The following ZZEF1 variants were observed in gnomAD, a reference collection of about 807,000 sequenced individuals.
The protein encoded by ZZEF1 is zinc finger ZZ-type and EF-hand domain-containing protein 1.
In ZZEF1, 157 loss-of-function variants were observed where a neutral mutation model predicts 342.8. The ratio of observed to expected loss-of-function variants is 0.46; its 90% confidence interval spans 0.40 to 0.52. The LOEUF (loss-of-function observed/expected upper bound fraction) is 0.52, where lower values mean the gene tolerates loss of function less well. Ranked by LOEUF, ZZEF1 falls within the 20% of genes least tolerant of loss-of-function variation. The pLI, the probability that ZZEF1 is intolerant of heterozygous loss-of-function variation, is 0.00. For missense variants in ZZEF1, 3,480 were observed against 3,725.6 expected (o/e 0.93, Z 1.72); for synonymous variants, 1,505 against 1,429.1 (o/e 1.05, Z -1.20).
intron 2 of ZZEF1, among the ~76,000 whole-genome samples, chr17:4,123,121 T>C (rs1023331647): frequency 1.3e-4 from 20 of 150,760 alleles, no homozygotes; most frequent in African/African-American, 2.2e-4. Flanking sequence ...GGGGTTTCAC[T>C]GTGTTAGCCA....
intron 35 of ZZEF1, 126 bp from the exon 36 acceptor site, chr17:4,051,169 T>A: frequency 8.0e-7 from 1 of 1,248,206 alleles, no homozygotes; most frequent in Non-Finnish European, 1.1e-6. Context: ...AGGATGCGCT[T>A]ACTGAAAATG....
intron 30 of ZZEF1, among the ~76,000 whole-genome samples, chr17:4,060,000 T>G (rs2057250541): frequency 6.6e-6 from 1 of 152,270 alleles, no homozygotes; most frequent in African/African-American, 2.4e-5. Context: ...CTACTACTCC[T>G]GCCATGCTTT....
chr17:4,079,030 G>A (rs901425022), intron 18 of ZZEF1, among the ~76,000 whole-genome samples: 5 of 152,212 alleles, frequency 3.3e-5, no homozygotes, highest in Non-Finnish European at 7.3e-5. Context: ...CCACAGGTAA[G>A]TGAAAGAGAA....
At chr17:4,121,187 T>C (rs573632142) in intron 2 of ZZEF1, among the ~76,000 whole-genome samples, 2 of 152,186 alleles carry the variant, frequency 1.3e-5, no homozygotes, top group South Asian at 4.1e-4. Flanking sequence ...CTACGAATTA[T>C]CTGTTGGTGG....
chr17:4,028,497 C>T (rs767344603), intron 42 of ZZEF1, among the ~76,000 whole-genome samples: 2 of 147,466 alleles, frequency 1.4e-5, no homozygotes, highest in East Asian at 2.0e-4. Context: ...TGCAGTGAGC[C>T]GAGATCACAC....
rs1465057372 is a variant in ZZEF1 at position 4,142,733 on chromosome 17, T to C, written c.163A>G (p.Arg55Gly). 44 of 1,538,142 alleles carry C rather than the reference T, an allele frequency of 2.9e-5. No individual in the cohort carries two copies. The highest frequency in any genetic ancestry group is 3.8e-5 in the Non-Finnish European group (44 of 1,147,760). The change falls in exon 1 of 55, where the codon AGG becomes GGG. Residue 55 changes from arginine (R) to glycine (G), a missense_variant. Arg to Gly is a moderately radical substitution (Grantham distance 125). Around this residue, in one of 5 missense-constraint regions of ZZEF1, gnomAD observed 416 missense variants for 374.2 expected, o/e 1.11. Coordinates refer to ENST00000381638, the MANE Select transcript of ZZEF1 (RefSeq NM_015113.4). ...AACGCTGCAGCAGCCTCTCGCAGCC[T>C]GGCCGGCTCCAGCAGCGCCGCGGCG... ...PPAAALLEPA[R>G]LREAAAALLP...
intron 26 of ZZEF1, among the ~76,000 whole-genome samples, chr17:4,069,393 A>G (rs2057465736): frequency 6.6e-6 from 1 of 152,154 alleles, no homozygotes; most frequent in Non-Finnish European, 1.5e-5. Flanking sequence ...GTCTCAACAC[A>G]GTTTTGTTTA....
rs769754955 is a variant in ZZEF1, at chr17:4,104,782, G to A, written c.1424C>T (p.Thr475Ile). 2 of 1,614,110 alleles carry A rather than the reference G, an allele frequency of 1.2e-6. No homozygotes were observed. Among genetic ancestry groups the A allele is most frequent in the East Asian group, 2.2e-5 (1 of 44,882 alleles). The change falls in exon 8 of 55, where the codon ACT becomes ATT. Residue 475 changes from threonine to isoleucine, a missense_variant. Thr to Ile is a moderately conservative substitution (Grantham distance 89, BLOSUM62 -1). Around this residue, in one of 5 missense-constraint regions of ZZEF1, gnomAD observed 1,528 missense variants for 1,624.1 expected, o/e 0.94. Transcript: ENST00000381638. ...SCCSTPEVEL[T>I]LLAFALARGS... The stretch of plus-strand genomic sequence containing the variant: ...TCTTGCGAGAGCAAAAGCCAGAAGA[G>A]TCAGTTCTACCTCTGGGGTAGAACA...
chr17:4,053,976 G>C (rs2057103695), intron 34 of ZZEF1, 81 bp downstream of exon 34: 3 of 1,476,390 alleles, frequency 2.0e-6, no homozygotes, highest in South Asian at 1.4e-5. Flanking sequence ...AGTACACTGA[G>C]AGTTTTTAAA....
chr17:4,093,366 A>ACC (rs1385452896), intron 11 of ZZEF1, among the ~76,000 whole-genome samples: 1 of 152,218 alleles, frequency 6.6e-6, no homozygotes, highest in African/African-American at 2.4e-5. Flanking sequence ...TGAAACGAAG[A>ACC]CCACTGAAGA....
intron 1 of ZZEF1, among the ~76,000 whole-genome samples, chr17:4,134,338 A>T (rs2058714463): frequency 7.3e-6 from 1 of 137,806 alleles, no homozygotes; most frequent in African/African-American, 2.8e-5. Context: ...AAATATATAT[A>T]TATTTATATA....
chr17:4,135,601 A>C (rs1454629896), intron 1 of ZZEF1, among the ~76,000 whole-genome samples: 1 of 152,200 alleles, frequency 6.6e-6, no homozygotes, highest in Admixed American at 6.5e-5. Context: ...TTCTGACAGC[A>C]GTAACTCTCT....
At chr17:4,100,380 T>C (rs553213041) in intron 9 of ZZEF1, among the ~76,000 whole-genome samples, 1 of 152,070 alleles carries the variant, frequency 6.6e-6, no homozygotes, top group African/African-American at 2.4e-5. Flanking sequence ...ATCCCACCCT[T>C]GTGTTTCTCA....
rs534595269 is a variant in ZZEF1 at position 4,067,342 on chromosome 17, G to A, written c.4076-100C>T. 152 of 887,142 alleles carry A rather than the reference G, an allele frequency of 1.7e-4. 1 individual carries two copies. In the South Asian group the frequency reaches 2.6e-3, roughly 15 times the overall value. The allele number at this position is 887,142 out of a possible 1,614,324, so 55.0% of individuals were successfully genotyped here. On this transcript the variant is annotated intron_variant, in intron 26 of 54. Coordinates refer to ENST00000381638, the MANE Select transcript of ZZEF1 (RefSeq NM_015113.4). ...CTAAATCTGCTGAAGTACAGGAAAA[G>A]TCCTCCTGACAATCACACATTGAGG...
chr17:4,041,449 A>T (rs75744643), intron 39 of ZZEF1, among the ~76,000 whole-genome samples: 40 of 152,254 alleles, frequency 2.6e-4, no homozygotes, highest in Non-Finnish European at 5.7e-4. Flanking sequence ...TGGACTCAAA[A>T]ATCTGAGGAC....
At chr17:4,060,497 C>T (rs916778209) in intron 30 of ZZEF1, among the ~76,000 whole-genome samples, 9 of 151,800 alleles carry the variant, frequency 5.9e-5, no homozygotes, top group Admixed American at 2.6e-4. Context: ...CGCAGTGAGC[C>T]GGGATCATGC....
intron 12 of ZZEF1, 69 bp downstream of exon 12, chr17:4,090,650 T>C: frequency 7.7e-7 from 1 of 1,291,922 alleles, no homozygotes; most frequent in Non-Finnish European, 1.1e-6. Context: ...ACAGGGCTGA[T>C]ACACAATCAC....
chr17:4,065,609 C>T (rs978116348), intron 28 of ZZEF1, among the ~76,000 whole-genome samples: 1 of 152,124 alleles, frequency 6.6e-6, no homozygotes, highest in African/African-American at 2.4e-5. Flanking sequence ...GTACCTGTCA[C>T]TCAGCTTCCG....
Position 4,044,340 on chromosome 17 carries a change from A to G in ZZEF1, c.6050T>C (p.Val2017Ala), listed in dbSNP as rs1597804519. 1.9e-6 allele frequency: 3 copies of G among 1,613,998 alleles called. No individual in the cohort carries two copies. The highest frequency in any genetic ancestry group is 1.7e-4 in the Middle Eastern group (1 of 6,060). Residue 2017 changes from valine to alanine, a missense_variant, in exon 38 of 55, where the codon GTA (valine) becomes GCA (alanine). By Grantham distance (64) the Val-to-Ala change is moderately conservative. Coordinates refer to ENST00000381638, the MANE Select transcript of ZZEF1 (RefSeq NM_015113.4). ...KRAVHEEIRP[V>A]DFKQRNKADK... Reference sequence around the variant, plus strand: ...TGCCTTATTTCTCTGCTTGAAATCTACAGGTCTGATTTCCTCATGAACAGC... The same window carrying G: ...TGCCTTATTTCTCTGCTTGAAATCTGCAGGTCTGATTTCCTCATGAACAGC...
Sources: allele counts gnomAD v4.1 joint callset (sites outside exome capture counted in the v4.1 genomes callset), GRCh38; gene constraint gnomAD v4.1.1; regional missense constraint gnomAD v4.1.1; transcripts MANE v1.5; gene names NCBI Gene and HGNC (gene_info 2026-07-23, HGNC 2026-07-21).